Variants in BET1 observed in about 807,000 individuals in gnomAD.
BET1 encodes Bet1 golgi vesicular membrane trafficking protein.
BET1 carries 9 observed loss-of-function variants against 13.9 expected under a neutral mutation model. The observed-to-expected ratio is 0.65, with a 90% CI of 0.39 to 1.13. The LOEUF is 1.13. Ranked by LOEUF, BET1 falls within the 50% of genes most tolerant of loss-of-function variation. The pLI, the probability that BET1 is intolerant of heterozygous loss-of-function variation, is 0.01. For missense variants in BET1, 127 were observed against 133.6 expected, an observed-to-expected ratio of 0.95 and a Z score of 0.24; for synonymous variants, 39 against 47.3, an observed-to-expected ratio of 0.82 and a Z score of 0.72.
rs772338418 is a variant in BET1 at position 93,994,359 on chromosome 7, T to C, written c.228A>G (p.Gly76=). The change falls in exon 4 of 4, where the codon GGA becomes GGG. Residue 76 remains glycine, a synonymous_variant. Coordinates refer to ENST00000222547, the MANE Select transcript of BET1 (RefSeq NM_005868.6). ...EMDSQFDSTT[G]FLGKTMGKLK... is the part of the protein sequence containing the mutation. ...GTTTGCCCATAGTTTTACCTAGAAA[T>C]CCAGTTGTGGAATCAAATTGTGAAT... 8 of 1,613,002 alleles carry C rather than the reference T, an allele frequency of 5.0e-6. No homozygotes were observed. The highest frequency in any genetic ancestry group is 1.1e-5 in the South Asian group (1 of 90,798).
In BET1 at chr7:94,004,270, A is replaced by G. The variant is rs1584152757; in HGVS notation, c.-54T>C. 5.0e-6 allele frequency: 8 copies of G among 1,613,512 alleles called. No homozygotes were observed. The East Asian group carries it at 1.8e-4, about 36-fold the overall frequency. On this transcript the variant is annotated 5_prime_UTR_variant, in exon 1 of 4. Transcript: ENST00000222547. ...GTGCGGGGCTTTGGGTGAGTAGGAA[A>G]CAGCTAGGGGCGACCCGGACCGCGT...
Position 93,993,297 on chromosome 7 carries a change from G to A in BET1, c.*933C>T. On this transcript the variant is annotated 3_prime_UTR_variant, in exon 4 of 4. Transcript: ENST00000222547. ...AAATTTACTTTTGAAGCCTATAAAT[G>A]GATAAATTCCAAAATACAGAATATT... The A allele has an allele frequency of 2.1e-6, 2 of 930,668 alleles. No individual in the cohort carries two copies. The highest frequency in any genetic ancestry group is 2.6e-6 in the Non-Finnish European group (2 of 780,274). The allele number at this position is 930,668 out of a possible 1,614,324, so 57.7% of individuals were successfully genotyped here.
chr7:93,973,927 T>C (rs1795298559), intron 5 of BET1, among the ~76,000 whole-genome samples: 1 of 152,020 alleles, frequency 6.6e-6, no homozygotes, highest in Admixed American at 6.6e-5. Context: ...AATATTTTGA[T>C]TGAATAGTAT....
chr7:93,968,767 A>C (rs1295280137), intron 6 of BET1, among the ~76,000 whole-genome samples: 2 of 151,850 alleles, frequency 1.3e-5, no homozygotes, highest in East Asian at 3.9e-4. Context: ...GGGAGAACTT[A>C]TATAAAGTTC....
chr7:93,994,967 C>T (rs1484704942), intron 3 of BET1, among the ~76,000 whole-genome samples: 1 of 152,194 alleles, frequency 6.6e-6, no homozygotes, highest in African/African-American at 2.4e-5. Context: ...CCTCAGCCTC[C>T]CAAGTAGCTG....
At chr7:93,999,824 G>C (rs1649583480) in intron 1 of BET1, 1 of 398,716 alleles carries the variant, frequency 2.5e-6, no homozygotes, top group African/African-American at 2.1e-5. Flanking sequence ...CTAGGAAAGA[G>C]ACACAATAAC....
intron 6 of BET1, among the ~76,000 whole-genome samples, chr7:93,971,929 G>T (rs1795264007): frequency 6.7e-6 from 1 of 149,060 alleles, no homozygotes; most frequent in South Asian, 2.1e-4. Context: ...TCCAGAAACT[G>T]CAAGCTTAAA....
chr7:93,995,730 A>G (rs917164188), intron 3 of BET1, among the ~76,000 whole-genome samples: 1 of 152,230 alleles, frequency 6.6e-6, no homozygotes, highest in African/African-American at 2.4e-5. Flanking sequence ...GAAGGTTCAG[A>G]GAAGCTTGAC....
chr7:94,002,622 T>G (rs1795935511), intron 1 of BET1, among the ~76,000 whole-genome samples: 1 of 152,140 alleles, frequency 6.6e-6, no homozygotes. Flanking sequence ...GAACCATTAC[T>G]CAAGTCACTT....
intron 2 of BET1, among the ~76,000 whole-genome samples, chr7:93,998,730 G>C (rs527495869): frequency 6.6e-6 from 1 of 151,882 alleles, no homozygotes; most frequent in Non-Finnish European, 1.5e-5. Context: ...AAAACCAGGG[G>C]ATAGTATTAG....
intron 3 of BET1, among the ~76,000 whole-genome samples, 187 bp from the exon 4 acceptor site, chr7:93,994,572 C>T (rs1795719924): frequency 6.6e-6 from 1 of 152,194 alleles, no homozygotes; most frequent in Non-Finnish European, 1.5e-5. Context: ...TACAGTAATA[C>T]TCTCAGCGAA....
intron 2 of BET1, 83 bp from the exon 3 acceptor site, chr7:93,996,404 T>C (rs1795772630): frequency 2.0e-6 from 2 of 1,008,016 alleles, no homozygotes; most frequent in Admixed American, 2.9e-5. Flanking sequence ...ATTCTAAGCA[T>C]ACACATTTTC....
intron 2 of BET1, among the ~76,000 whole-genome samples, chr7:93,997,054 A>T (rs1446193406): frequency 6.6e-6 from 1 of 152,092 alleles, no homozygotes; most frequent in African/African-American, 2.4e-5. Flanking sequence ...GCTCTGAAGA[A>T]AAGAGCCATA....
exon 5 of BET1, chr7:93,976,075 G>T: frequency 7.9e-7 from 1 of 1,260,888 alleles, no homozygotes; most frequent in African/African-American, 1.5e-5. Flanking sequence ...TGCTACTGGT[G>T]AAATCCCTGG....
chr7:93,974,702 A>C (rs942338841), intron 5 of BET1, among the ~76,000 whole-genome samples: 3 of 152,064 alleles, frequency 2.0e-5, no homozygotes, highest in African/African-American at 7.2e-5. Context: ...TAAGTAAAGA[A>C]GGAATGAGGG....
chr7:93,989,303 C>T (rs1004496936), downstream of BET1, among the ~76,000 whole-genome samples: 3 of 151,944 alleles, frequency 2.0e-5, no homozygotes, highest in Non-Finnish European at 2.9e-5. Context: ...CGTAAGCCAC[C>T]GTGCCAGGCC....
intron 4 of BET1, among the ~76,000 whole-genome samples, chr7:93,978,873 C>T (rs1431923380): frequency 6.6e-6 from 1 of 152,072 alleles, no homozygotes; most frequent in African/African-American, 2.4e-5. Flanking sequence ...TGAAGGTTGG[C>T]CAGAGAATAA....
rs796161473 is a variant in BET1 at position 93,971,936 on chromosome 7, TA to T, written c.*137+638del. Among the ~76,000 whole-genome samples the T allele has an allele frequency of 7.5e-3, 1,044 of 140,130 alleles. 2 individuals carry two copies. The highest frequency in any genetic ancestry group is 0.011 in the Middle Eastern group (3 of 280). The allele number at this position is 140,130 out of a possible 152,430, so 91.9% of individuals were successfully genotyped here. ...CAGCTTTTTCCAGAAACTGCAAGCT[TA>T]AAAAAAAAAAAGCCATTGGATATGA... is the stretch of plus-strand genomic sequence containing the variant. On this transcript the variant is annotated intron_variant and NMD_transcript_variant, in intron 6 of 6. Transcript: ENST00000357520.
chr7:93,999,237 C>CTATATA lies in BET1; in HGVS notation c.76_77insTATATA (p.Tyr25_Ser26insIleTyr). 6.2e-7 allele frequency: 1 copy of CTATATA among 1,613,512 alleles called. No individual in the cohort carries two copies. Among genetic ancestry groups the CTATATA allele is most frequent in the Non-Finnish European group, 8.5e-7 (1 of 1,179,634 alleles). The stretch of plus-strand genomic sequence containing the variant: ...CCTCTCATTTTCTTCTTCACAGGCA[C>CTATATA]TATACCCACTATTAGCATAGCCATA... On this transcript the variant is annotated inframe_insertion, in exon 2 of 4. Transcript: ENST00000222547.
Sources: gnomAD v4.1 joint callset for allele counts (sites outside exome capture counted in the v4.1 genomes callset) on GRCh38, gnomAD v4.1.1 for gene constraint, MANE v1.5 for transcripts, NCBI Gene and HGNC (gene_info 2026-07-23, HGNC 2026-07-21) for gene names.